Variants in NKAIN3 observed in about 807,000 individuals in gnomAD.
NKAIN3 encodes the protein sodium/potassium transporting ATPase interacting 3.
Under a neutral mutation model 30.2 loss-of-function variants are expected in NKAIN3, and 25 were observed. The ratio of observed to expected loss-of-function variants is 0.83; its 90% confidence interval spans 0.60 to 1.16. The LOEUF (loss-of-function observed/expected upper bound fraction) is 1.16, where lower values mean the gene tolerates loss of function less well. NKAIN3 is among the 50% of genes most tolerant of loss of function. The pLI, the probability that NKAIN3 is intolerant of heterozygous loss-of-function variation, is 0.00. For missense variants in NKAIN3, 225 were observed against 254.1 expected, an observed-to-expected ratio of 0.89 and a Z score of 0.78; for synonymous variants, 91 against 89.6, an observed-to-expected ratio of 1.02 and a Z score of -0.09.
intron 5 of NKAIN3, among the ~76,000 whole-genome samples, chr8:62,935,832 C>T (rs1822768376): frequency 6.6e-6 from 1 of 152,130 alleles, no homozygotes; most frequent in Admixed American, 6.5e-5. Context: ...CTCAAATCAA[C>T]TGTCTCAGCA....
Position 62,881,708 on chromosome 8 carries a change from G to T in NKAIN3, c.472-36745G>T, listed in dbSNP as rs540554729. The stretch of plus-strand genomic sequence containing the variant: ...AAGCTGCTATAAACAGCCATGTTCA[G>T]ATTTTTGTGCAAACATGTTTTAAAC... On this transcript the variant is annotated intron_variant, in intron 4 of 6. Transcript: ENST00000623646. Among the ~76,000 whole-genome samples the T allele has an allele frequency of 1.1e-4, 17 of 152,298 alleles. 1 individual carries two copies. The East Asian group carries it at 1.7e-3, about 16-fold the overall frequency.
chr8:62,991,468 T>C (rs1824319244), intron 5 of NKAIN3, among the ~76,000 whole-genome samples: 1 of 152,242 alleles, frequency 6.6e-6, no homozygotes, highest in Non-Finnish European at 1.5e-5. Flanking sequence ...GCCATCTTAA[T>C]CCTTTGAGAA....
chr8:62,828,260 G>C lies in NKAIN3; in HGVS notation c.471+81131G>C, dbSNP rs182652689. Among the ~76,000 whole-genome samples, 853 of 152,164 alleles carry C rather than the reference G, an allele frequency of 5.6e-3. 10 individuals are homozygous for C. The highest frequency in any genetic ancestry group is 0.019 in the African/African-American group (785 of 41,516). On this transcript the variant is annotated intron_variant, in intron 4 of 6. Coordinates refer to ENST00000623646, the MANE Select transcript of NKAIN3 (RefSeq NM_001304533.3). ...TTGCCAGAGGTTATAGGTGGGGTAA[G>C]AATATAATTATAAAAGATTATCTGA...
At chr8:62,806,294 C>G (rs1246895602) in intron 4 of NKAIN3, among the ~76,000 whole-genome samples, 2 of 152,128 alleles carry the variant, frequency 1.3e-5, no homozygotes, top group African/African-American at 4.8e-5. Context: ...CCCAGCCATC[C>G]CATTACTGGG....
At chr8:62,426,308 T>C (rs1585795600) in intron 1 of NKAIN3, among the ~76,000 whole-genome samples, 1 of 151,984 alleles carries the variant, frequency 6.6e-6, no homozygotes, top group African/African-American at 2.4e-5. Flanking sequence ...TCTTTCCTGA[T>C]GTGAGCCTTA....
At chr8:62,833,264 A>C (rs1236974957) in intron 4 of NKAIN3, among the ~76,000 whole-genome samples, 1 of 152,088 alleles carries the variant, frequency 6.6e-6, no homozygotes, top group Non-Finnish European at 1.5e-5. Flanking sequence ...TAATGATCTA[A>C]CATCACACAA....
intron 2 of NKAIN3, among the ~76,000 whole-genome samples, chr8:62,581,963 TC>T (rs1250868304): frequency 5.5e-4 from 67 of 122,276 alleles, no homozygotes; most frequent in African/African-American, 1.4e-3. Context: ...CTCCCTCCCT[TC>T]CTTCTATCCT....
intron 3 of NKAIN3, among the ~76,000 whole-genome samples, chr8:62,743,284 G>C (rs1815965242): frequency 6.6e-6 from 1 of 151,916 alleles, no homozygotes; most frequent in Non-Finnish European, 1.5e-5. Flanking sequence ...GTTGTCATGT[G>C]GTAAGTTTAA....
intron 1 of NKAIN3, among the ~76,000 whole-genome samples, chr8:62,328,208 A>T (rs544561819): frequency 6.6e-6 from 1 of 152,124 alleles, no homozygotes; most frequent in East Asian, 1.9e-4. Context: ...GCACAAATCT[A>T]TTACTATAAT....
chr8:62,846,606 T>C (rs1819696852), intron 4 of NKAIN3, among the ~76,000 whole-genome samples: 2 of 152,122 alleles, frequency 1.3e-5, no homozygotes, highest in African/African-American at 2.4e-5. Flanking sequence ...CTGCATTAGT[T>C]TGCTAAGGAT....
At chr8:62,506,906 C>T (rs929982682) in intron 1 of NKAIN3, among the ~76,000 whole-genome samples, 12 of 152,220 alleles carry the variant, frequency 7.9e-5, no homozygotes, top group East Asian at 1.9e-4. Flanking sequence ...ATGCATTTCT[C>T]GACACCTGAT....
At chr8:62,595,006 G>A (rs549826253) in intron 3 of NKAIN3, among the ~76,000 whole-genome samples, 50 of 152,028 alleles carry the variant, frequency 3.3e-4, no homozygotes, top group African/African-American at 1.0e-3. Context: ...CCACTGCCGT[G>A]AATATTTTGA....
intron 1 of NKAIN3, among the ~76,000 whole-genome samples, chr8:62,437,662 T>C (rs1192333913): frequency 1.3e-5 from 2 of 152,062 alleles, no homozygotes; most frequent in African/African-American, 4.8e-5. Context: ...TTAGGACCTG[T>C]GAACTTAGAA....
intron 3 of NKAIN3, among the ~76,000 whole-genome samples, chr8:62,733,004 A>G (rs1815529233): frequency 6.6e-6 from 1 of 151,860 alleles, no homozygotes; most frequent in Non-Finnish European, 1.5e-5. Flanking sequence ...GTGATTTTTA[A>G]TGTTTTTTTA....
Position 62,968,791 on chromosome 8 carries a change from C to T in NKAIN3, c.*3384C>T, listed in dbSNP as rs1355311868. ...TTTCTTAAGCGTCTTCTGCTGACCT[C>T]GTGCAGCACCGCAGGAAGCTGGGAT... On this transcript the variant is annotated 3_prime_UTR_variant, in exon 7 of 7. Transcript: ENST00000623646. Among the ~76,000 whole-genome samples the T allele has an allele frequency of 2.6e-5, 4 of 152,164 alleles. No homozygotes were observed. Among genetic ancestry groups the T allele is most frequent in the African/African-American group, 4.8e-5 (2 of 41,446 alleles).
intron 4 of NKAIN3, among the ~76,000 whole-genome samples, chr8:62,771,807 T>C (rs1026242261): frequency 5.9e-5 from 9 of 152,114 alleles, no homozygotes; most frequent in Admixed American, 3.9e-4. Context: ...ACATATTTAT[T>C]GGGTATGGGA....
At chr8:62,688,960 GTTC>G (rs1308600023) in intron 3 of NKAIN3, among the ~76,000 whole-genome samples, 1 of 152,026 alleles carries the variant, frequency 6.6e-6, no homozygotes, top group East Asian at 1.9e-4. Context: ...ATTATTTTAA[GTTC>G]TTCATGTTAT....
At chr8:62,503,411 T>C (rs750104179) in intron 1 of NKAIN3, among the ~76,000 whole-genome samples, 1 of 152,290 alleles carries the variant, frequency 6.6e-6, no homozygotes. Context: ...CAGAAACTCC[T>C]GATAAGGGTC....
At chr8:62,743,003 A>G (rs896156094) in intron 3 of NKAIN3, among the ~76,000 whole-genome samples, 1 of 152,146 alleles carries the variant, frequency 6.6e-6, no homozygotes, top group African/African-American at 2.4e-5. Context: ...CTTACTCACT[A>G]TCACTAGAAT....
Sources: gnomAD v4.1 joint callset for allele counts (sites outside exome capture counted in the v4.1 genomes callset) on GRCh38, gnomAD v4.1.1 for gene constraint, MANE v1.5 for transcripts, NCBI Gene and HGNC (gene_info 2026-07-23, HGNC 2026-07-21) for gene names.